PPP4C: variants seen among roughly 807,000 people sequenced by gnomAD.
The protein encoded by PPP4C is serine/threonine-protein phosphatase 4 catalytic subunit.
PPP4C carries 10 observed loss-of-function variants against 40.5 expected under a neutral mutation model. That is an observed-to-expected ratio of 0.25 (90% confidence interval 0.15 to 0.42). PPP4C has a LOEUF of 0.42. Among genes scored for constraint, PPP4C ranks in the 10% least tolerant of loss-of-function variants. The pLI, the probability that PPP4C is intolerant of heterozygous loss-of-function variation, is 1.00. For missense variants in PPP4C, 191 were observed against 416.4 expected (o/e 0.46, Z 4.71); for synonymous variants, 187 against 163.6 (o/e 1.14, Z -1.09).
At chr16:30,080,493 C>T (rs990789450) in intron 2 of PPP4C, among the ~76,000 whole-genome samples, 6 of 148,202 alleles carry the variant, frequency 4.0e-5, no homozygotes, top group African/African-American at 1.0e-4. Flanking sequence ...GAACACATGG[C>T]AAGAGCACCT....
rs545593944 is a variant in PPP4C, at chr16:30,084,872, G to C, written c.794+17G>C. 1 of 1,613,832 alleles carries C rather than the reference G, an allele frequency of 6.2e-7. No homozygotes were observed. The highest frequency in any genetic ancestry group is 1.3e-5 in the African/African-American group (1 of 75,056). On this transcript the variant is annotated intron_variant, in intron 8 of 8. Coordinates refer to ENST00000279387, the MANE Select transcript of PPP4C (RefSeq NM_002720.3). ...CTGCTACCGGTGAGCCGGCTGGGCC[G>C]GGCTGGGATGGGCGGGCATCTGAGC...
intron 3 of PPP4C, chr16:30,081,762 C>CA (rs933006199): frequency 1.1e-4 from 17 of 151,188 alleles, no homozygotes; most frequent in Admixed American, 3.1e-4. Flanking sequence ...CAAAAAAAAA[C>CA]AAAAAAAACA....
At position 30,083,228 on chromosome 16, in the gene PPP4C, G is replaced by C; in HGVS notation, c.304-166G>C. On this transcript the variant is annotated intron_variant, in intron 5 of 8. Coordinates refer to ENST00000279387, the MANE Select transcript of PPP4C (RefSeq NM_002720.3). This position sits in a 1 kb window ranked among gnomAD's most constrained non-coding sequence, Gnocchi z 6.3. Reference sequence around the variant, plus strand: ...CAGCTTTACATTCTCTGGAGGGGTCGTGTGGGCCTGGGAGGTGGCTGATGC... The same window carrying C: ...CAGCTTTACATTCTCTGGAGGGGTCCTGTGGGCCTGGGAGGTGGCTGATGC... 1 of 753,344 alleles carries C rather than the reference G, an allele frequency of 1.3e-6. No homozygotes were observed. The highest frequency in any genetic ancestry group is 2.5e-5 in the East Asian group (1 of 40,462). The allele number at this position is 753,344 out of a possible 1,614,324, so 46.7% of individuals were successfully genotyped here.
chr16:30,081,287 C>CAG lies in PPP4C; in HGVS notation c.130_131dup (p.Val45GlyfsTer25). 1 of 1,613,802 alleles carries CAG rather than the reference C, an allele frequency of 6.2e-7. No individual in the cohort carries two copies. The highest frequency in any genetic ancestry group is 8.5e-7 in the Non-Finnish European group (1 of 1,179,896). ...GATCTTGGTAGAGGAGAGCAACGTG[C>CAG]AGAGGGTGGACTCGCCAGTCACAGT... is the stretch of plus-strand genomic sequence containing the variant. On this transcript the variant is annotated frameshift_variant, in exon 3 of 9. Coordinates refer to ENST00000279387, the MANE Select transcript of PPP4C (RefSeq NM_002720.3). LOFTEE classifies it high-confidence loss of function.
chr16:30,076,299 T>C lies in PPP4C; in HGVS notation c.-63-16T>C. On this transcript the variant is annotated splice_polypyrimidine_tract_variant and intron_variant, in intron 1 of 8. Transcript: ENST00000279387. ...GGACGGACACTGATCCGCGGGCTCG[T>C]CTTGGCCTTTCCCAGGAGACCCCTG... 1 of 1,452,510 alleles carries C rather than the reference T, an allele frequency of 6.9e-7. No homozygotes were observed. The highest frequency in any genetic ancestry group is 1.8e-5 in the Admixed American group (1 of 54,176). The allele number at this position is 1,452,510 out of a possible 1,614,324, so 90.0% of individuals were successfully genotyped here.
At chr16:30,084,626 C>T (rs543730234) in intron 7 of PPP4C, 40 bp from the exon 8 acceptor site, 23 of 1,590,726 alleles carry the variant, frequency 1.4e-5, no homozygotes, top group Admixed American at 8.4e-5. Flanking sequence ...GCCAGAGAAG[C>T]CTGAGGACAT....
chr16:30,082,628 G>T (rs912475959), intron 4 of PPP4C, 94 bp downstream of exon 4: 8 of 1,541,368 alleles, frequency 5.2e-6, no homozygotes, highest in South Asian at 1.1e-5. Flanking sequence ...GGCGTGGAGT[G>T]GGGGCAAGGG....
At chr16:30,077,647 G>A (rs920337819) in intron 2 of PPP4C, among the ~76,000 whole-genome samples, 4 of 152,182 alleles carry the variant, frequency 2.6e-5, no homozygotes, top group Admixed American at 2.0e-4. Flanking sequence ...ATTACCCTAC[G>A]TTTATTGAAC....
At chr16:30,076,241 G>A (rs1452637514) in intron 1 of PPP4C, 74 bp from the exon 2 acceptor site, 6 of 861,902 alleles carry the variant, frequency 7.0e-6, no homozygotes, top group Middle Eastern at 7.1e-4. Context: ...GAGCCGGGCC[G>A]GCTCTAGAAT....
At chr16:30,077,419 C>A (rs1431172469) in intron 2 of PPP4C, among the ~76,000 whole-genome samples, 1 of 152,066 alleles carries the variant, frequency 6.6e-6, no homozygotes, top group Non-Finnish European at 1.5e-5. Flanking sequence ...TCAGGGAGGG[C>A]TTTTGAGTGG....
chr16:30,076,389 C>T lies in PPP4C; in HGVS notation c.12C>T (p.Ile4=). 2 of 1,613,064 alleles carry T rather than the reference C, an allele frequency of 1.2e-6. No individual in the cohort carries two copies. Among genetic ancestry groups the T allele is most frequent in the Non-Finnish European group, 8.5e-7 (1 of 1,179,748 alleles). The change falls in exon 2 of 9, where the codon ATC becomes ATT. Residue 4 remains isoleucine (I), a synonymous_variant. Transcript: ENST00000279387. The part of the protein sequence containing the change: MAE[I]SDLDRQIEQL... ...GCCGGGGGTGGGCCATGGCGGAGAT[C>T]AGCGACCTGGACCGGCAGATCGAGC...
chr16:30,076,499 G>A, intron 2 of PPP4C, 24 bp downstream of exon 2: 2 of 1,590,372 alleles, frequency 1.3e-6, no homozygotes, highest in Non-Finnish European at 1.7e-6. Context: ...CCCTGGGGAA[G>A]GGAGGCCAAG....
chr16:30,079,905 T>C (rs1475145677), intron 2 of PPP4C, among the ~76,000 whole-genome samples: 1 of 152,214 alleles, frequency 6.6e-6, no homozygotes, highest in African/African-American at 2.4e-5. Flanking sequence ...CCTCCTTCCC[T>C]GCTTCAATTT....
At chr16:30,084,247 C>T (rs945472379) in intron 7 of PPP4C, among the ~76,000 whole-genome samples, 22 of 149,254 alleles carry the variant, frequency 1.5e-4, no homozygotes, top group African/African-American at 5.5e-4. Context: ...GCCACACACA[C>T]GCACACGAGG....
At chr16:30,084,016 A>G (rs1045174510) in intron 7 of PPP4C, among the ~76,000 whole-genome samples, 5 of 152,220 alleles carry the variant, frequency 3.3e-5, no homozygotes, top group Non-Finnish European at 5.9e-5. Context: ...GGGGCCTTAG[A>G]ACATGACAGC....
intron 1 of PPP4C, 91 bp downstream of exon 1, chr16:30,076,185 A>T (rs567045177): frequency 5.3e-6 from 3 of 566,804 alleles, no homozygotes. Flanking sequence ...AGGCCGTTGG[A>T]CGCCGGGGGG....
In PPP4C at chr16:30,085,154, G is replaced by GC. The variant is rs397819508; in HGVS notation, c.*92_*93insC. 14 of 1,494,228 alleles carry GC rather than the reference G, an allele frequency of 9.4e-6. No homozygotes were observed. Among genetic ancestry groups the GC allele is most frequent in the Non-Finnish European group, 9.1e-6 (10 of 1,094,934 alleles). The allele number at this position is 1,494,228 out of a possible 1,614,324, so 92.6% of individuals were successfully genotyped here. A position where few individuals can be genotyped will look rare whatever the true frequency, so the allele number is the denominator to read the frequency against. On this transcript the variant is annotated 3_prime_UTR_variant, in exon 9 of 9. Transcript: ENST00000279387. The stretch of plus-strand genomic sequence containing the variant: ...TCAGACGGAGGCTGGGCGTGGGGGG[G>GC]GCTGTCCTGGCTCTGCTGTCCCCCA...
intron 2 of PPP4C, among the ~76,000 whole-genome samples, chr16:30,078,060 A>G (rs547710563): frequency 6.6e-6 from 1 of 152,290 alleles, no homozygotes; most frequent in East Asian, 1.9e-4. Flanking sequence ...ATTTTTAGGA[A>G]CTTAAACCTG....
chr16:30,083,690 C>A lies in PPP4C; in HGVS notation c.513C>A (p.Ile171=). The change falls in exon 7 of 9, where the codon ATC becomes ATA. Residue 171 remains isoleucine (I), a synonymous_variant. Transcript: ENST00000279387. The surrounding 1 kb of genome is among the most constrained non-coding windows in gnomAD (Gnocchi z 6.3). ...FCVHGGLSPS[I]QTLDQIRTID... is the part of the protein sequence containing the mutation. Reference sequence around the variant, plus strand: ...TGCACGGGGGCCTCTCCCCCTCCATCCAGACCCTGGATCAGATTCGGACAA... The same window carrying A: ...TGCACGGGGGCCTCTCCCCCTCCATACAGACCCTGGATCAGATTCGGACAA... The A allele has an allele frequency of 6.2e-7, 1 of 1,614,220 alleles. No homozygotes were observed. Among genetic ancestry groups the A allele is most frequent in the South Asian group, 1.1e-5 (1 of 91,088 alleles).
Sources: gnomAD v4.1 joint callset for allele counts (sites outside exome capture counted in the v4.1 genomes callset) on GRCh38, gnomAD v4.1.1 for gene constraint, Gnocchi (gnomAD v3.1) non-coding constraint, MANE v1.5 for transcripts, NCBI Gene and HGNC (gene_info 2026-07-23, HGNC 2026-07-21) for gene names.